SPTB: variants seen among roughly 807,000 people sequenced by gnomAD.
SPTB encodes spectrin beta, erythrocytic.
SPTB carries 45 observed loss-of-function variants against 256.2 expected under a neutral mutation model. The ratio of observed to expected loss-of-function variants is 0.18; its 90% confidence interval spans 0.14 to 0.23. The LOEUF (loss-of-function observed/expected upper bound fraction) is 0.23. Among genes scored for constraint, SPTB ranks in the 10% least tolerant of loss-of-function variants. SPTB has a pLI of 1.00. For synonymous variants in SPTB, 1,231 were observed against 1,243.1 expected, an observed-to-expected ratio of 0.99 and a Z score of 0.21; for missense variants, 2,715 against 3,040.4, an observed-to-expected ratio of 0.89 and a Z score of 2.52.
intron 15 of SPTB, among the ~76,000 whole-genome samples, chr14:64,788,701 T>C (rs1341916607): frequency 6.6e-6 from 1 of 152,204 alleles, no homozygotes; most frequent in African/African-American, 2.4e-5. Flanking sequence ...ACTGTAGCCA[T>C]TGGGTGGAGG....
intron 1 of SPTB, among the ~76,000 whole-genome samples, chr14:64,874,388 C>A (rs1417328349): frequency 6.6e-6 from 1 of 152,220 alleles, no homozygotes; most frequent in African/African-American, 2.4e-5. Flanking sequence ...TCCATCTGAT[C>A]TCTTTGTGTG....
chr14:64,864,199 G>A (rs1882019937), intron 1 of SPTB, among the ~76,000 whole-genome samples: 1 of 152,136 alleles, frequency 6.6e-6, no homozygotes, highest in South Asian at 2.1e-4. Flanking sequence ...GCTCATGCCT[G>A]TAATCCCAAC....
rs1466675486 is a variant in SPTB at position 64,866,046 on chromosome 14, A to G, written c.-52+13746T>C. ...AACCTGGATTTTAAATGAGAAAAAC[A>G]GAGACCATGGTGTGGCTAAAATACC... On this transcript the variant is annotated intron_variant, in intron 1 of 35. Transcript: ENST00000644917. This position sits in a 1 kb window ranked among gnomAD's most constrained non-coding sequence, Gnocchi z 4.6. 6.6e-6 allele frequency among the ~76,000 whole-genome samples: 1 copy of G among 152,240 alleles called. No individual in the cohort carries two copies. The highest frequency in any genetic ancestry group is 1.9e-4 in the East Asian group (1 of 5,200).
chr14:64,859,083 A>G (rs912348955), intron 1 of SPTB, among the ~76,000 whole-genome samples: 35 of 151,562 alleles, frequency 2.3e-4, no homozygotes, highest in African/African-American at 7.8e-4. Flanking sequence ...ACATGGCAAA[A>G]CCCCATCTCT....
At chr14:64,846,580 A>G (rs954295263) in intron 1 of SPTB, among the ~76,000 whole-genome samples, 1 of 152,256 alleles carries the variant, frequency 6.6e-6, no homozygotes, top group African/African-American at 2.4e-5. Flanking sequence ...ATTAATATTT[A>G]TTGAGCACCT....
rs1055828973 is a variant in SPTB at position 64,845,134 on chromosome 14, A to C, written c.-51-21989T>G. On this transcript the variant is annotated intron_variant, in intron 1 of 35. Coordinates refer to ENST00000644917, the MANE Select transcript of SPTB (RefSeq NM_001355436.2). This position sits in a 1 kb window ranked among gnomAD's most constrained non-coding sequence, Gnocchi z 4.8. ...TACAGAATCAGCTCCTCCTATCCTC[A>C]CTATCTGGGCATGGCAGAACTAGCC... 6.6e-6 allele frequency among the ~76,000 whole-genome samples: 1 copy of C among 152,178 alleles called. No individual in the cohort carries two copies. The highest frequency in any genetic ancestry group is 1.5e-5 in the Non-Finnish European group (1 of 68,028).
Position 64,775,924 on chromosome 14 carries a change from T to A in SPTB, c.4564-521A>T, listed in dbSNP as rs2139517157. Among the ~76,000 whole-genome samples the A allele has an allele frequency of 6.6e-6, 1 of 152,348 alleles. No homozygotes were observed. Among genetic ancestry groups the A allele is most frequent in the South Asian group, 2.1e-4 (1 of 4,828 alleles). On this transcript the variant is annotated intron_variant, in intron 22 of 35. Transcript: ENST00000644917. This position sits in a 1 kb window ranked among gnomAD's most constrained non-coding sequence, Gnocchi z 5.0. ...AGAACAGGTGACAGCAGCCCCTTGC[T>A]TACAGTCTCAGCTTTTGTTTTTCCC...
intron 32 of SPTB, among the ~76,000 whole-genome samples, chr14:64,762,855 G>A (rs939479472): frequency 3.9e-5 from 6 of 152,220 alleles, no homozygotes; most frequent in African/African-American, 1.2e-4. Context: ...ATCTAGCCTT[G>A]GGGCTTGGAG....
At chr14:64,770,302 T>A (rs909926644) in intron 27 of SPTB, among the ~76,000 whole-genome samples, 4 of 152,138 alleles carry the variant, frequency 2.6e-5, no homozygotes, top group African/African-American at 4.8e-5. Flanking sequence ...ATGGATGAAG[T>A]GTGGTATGTG....
intron 1 of SPTB, among the ~76,000 whole-genome samples, chr14:64,858,755 T>C (rs1003398415): frequency 2.0e-5 from 3 of 152,188 alleles, no homozygotes; most frequent in South Asian, 4.1e-4. Context: ...GAAAGGTCTG[T>C]CTGCCTGTTA....
rs892986221 is a variant in SPTB at position 64,816,600 on chromosome 14, A to G, written c.148+6347T>C. Among the ~76,000 whole-genome samples the G allele has an allele frequency of 6.6e-6, 1 of 152,192 alleles. No homozygotes were observed. The highest frequency in any genetic ancestry group is 2.4e-5 in the African/African-American group (1 of 41,440). ...TATGCACATAGACACGTGTGGGATTATTTGATCTACCTCTGTCTCACTAGA... is the reference window on the plus strand; with the variant it reads ...TATGCACATAGACACGTGTGGGATTGTTTGATCTACCTCTGTCTCACTAGA... On this transcript the variant is annotated intron_variant, in intron 2 of 35. Transcript: ENST00000644917. This position sits in a 1 kb window ranked among gnomAD's most constrained non-coding sequence, Gnocchi z 4.2.
rs145124440 is a variant in SPTB, at chr14:64,844,142, C to T, written c.-51-20997G>A. ...ACCCAGGCTGGGTAGAGAATCTTCA[C>T]GAAGAATGTGATGGCCATGATCTCC... On this transcript the variant is annotated intron_variant, in intron 1 of 35. Coordinates refer to ENST00000644917, the MANE Select transcript of SPTB (RefSeq NM_001355436.2). This position sits in a 1 kb window ranked among gnomAD's most constrained non-coding sequence, Gnocchi z 4.1. Among the ~76,000 whole-genome samples the T allele has an allele frequency of 2.8e-3, 431 of 152,070 alleles. 4 individuals carry two copies. Among genetic ancestry groups the T allele is most frequent in the African/African-American group, 9.8e-3 (405 of 41,460 alleles).
chr14:64,749,349 T>G lies in SPTB; in HGVS notation c.6944A>C (p.Lys2315Thr), dbSNP rs1192736309. 1.6e-5 allele frequency: 26 copies of G among 1,610,416 alleles called. No individual in the cohort carries two copies. Among genetic ancestry groups the G allele is most frequent in the Non-Finnish European group, 2.1e-5 (25 of 1,179,574 alleles). The change falls in exon 36 of 36, where the codon AAA (lysine) becomes ACA (threonine). Residue 2315 changes from lysine (K) to threonine (T), a missense_variant. This residue lies in a region of SPTB where 2,239 missense variants were observed against 2,384.4 expected (regional missense o/e 0.94). Transcript: ENST00000644917. This position sits in a 1 kb window ranked among gnomAD's most constrained non-coding sequence, Gnocchi z 4.7. ...GAAGCTGAATCTCTTCTCCTTGTCT[T>G]TCTTGCCGAGGCTGGCGTCGGGGCC... ...LSGPDASLGK[K>T]DKEKRFSFFP...
At chr14:64,782,625 T>C in intron 19 of SPTB, 72 bp from the exon 20 acceptor site, 2 of 1,602,340 alleles carry the variant, frequency 1.2e-6, no homozygotes, top group East Asian at 4.5e-5. Flanking sequence ...TCCTGATGGT[T>C]GCAAGAGGCT....
intron 2 of SPTB, among the ~76,000 whole-genome samples, chr14:64,817,704 A>T (rs955359826): frequency 1.3e-5 from 2 of 152,242 alleles, no homozygotes; most frequent in Non-Finnish European, 2.9e-5. Context: ...CCTCCTGTAC[A>T]TAAGGGAAAA....
In SPTB at chr14:64,746,487, A is replaced by G. The variant is rs2081840800; in HGVS notation, c.*2819T>C. 1 of 152,746 alleles carries G rather than the reference A, an allele frequency of 6.5e-6. No homozygotes were observed. Among genetic ancestry groups the G allele is most frequent in the Non-Finnish European group, 1.5e-5 (1 of 68,118 alleles). 9.5% of individuals were successfully genotyped at this position (152,746 alleles called of 1,614,324 possible). A position where few individuals can be genotyped will look rare whatever the true frequency, so the allele number is the denominator to read the frequency against. On this transcript the variant is annotated 3_prime_UTR_variant, in exon 36 of 36. Coordinates refer to ENST00000644917, the MANE Select transcript of SPTB (RefSeq NM_001355436.2). This position sits in a 1 kb window ranked among gnomAD's most constrained non-coding sequence, Gnocchi z 4.9. ...GCTTGTTTGTCCAAGCCACCAAGCC[A>G]TGTGGTCCCGCTGGCTTCATCCTCC...
chr14:64,831,700 G>A (rs1337597978), intron 1 of SPTB, among the ~76,000 whole-genome samples: 2 of 152,238 alleles, frequency 1.3e-5, no homozygotes, highest in African/African-American at 2.4e-5. Flanking sequence ...AATGTTTACT[G>A]AGGCATTGAT....
intron 2 of SPTB, among the ~76,000 whole-genome samples, chr14:64,811,604 ATTTACT>A (rs1445118305): frequency 2.6e-5 from 4 of 152,214 alleles, no homozygotes; most frequent in African/African-American, 9.6e-5. Context: ...ATGATCTTTA[ATTTACT>A]TTAACAATGC....
chr14:64,762,741 C>T (rs1018120934), intron 32 of SPTB, among the ~76,000 whole-genome samples: 11 of 152,214 alleles, frequency 7.2e-5, no homozygotes, highest in Admixed American at 2.0e-4. Flanking sequence ...GGGAAGAGAG[C>T]TTTCCCTGAC....
Sources: gnomAD v4.1 joint callset for allele counts (sites outside exome capture counted in the v4.1 genomes callset) on GRCh38, gnomAD v4.1.1 for gene constraint, gnomAD v4.1.1 regional missense constraint, Gnocchi (gnomAD v3.1) non-coding constraint, MANE v1.5 for transcripts, NCBI Gene and HGNC (gene_info 2026-07-23, HGNC 2026-07-21) for gene names.